The following ANGPT1 variants were observed in gnomAD, a reference collection of about 807,000 sequenced individuals.
ANGPT1 encodes angiopoietin 1, also known as angiopoietin-1.
In ANGPT1, 17 loss-of-function variants were observed where a neutral mutation model predicts 62.2. That is an observed-to-expected ratio of 0.27 (90% CI 0.19 to 0.41). The LOEUF (loss-of-function observed/expected upper bound fraction) is 0.41. Ranked by LOEUF, ANGPT1 falls within the 10% of genes least tolerant of loss-of-function variation. The pLI, the probability that ANGPT1 is intolerant of heterozygous loss-of-function variation, is 1.00. For synonymous variants in ANGPT1, 199 were observed against 198.9 expected, an observed-to-expected ratio of 1.00 and a Z score of 0.00; for missense variants, 478 against 594.9, an observed-to-expected ratio of 0.80 and a Z score of 2.04.
In ANGPT1 at chr8:107,276,118, G is replaced by C. The variant is rs78078025; in HGVS notation, c.1205+8564C>G. ...ACCCAGGAAGCCTTTTTTGTCTTCA[G>C]TATTTCATCTCAGTCAAGGGGATTA... On this transcript the variant is annotated intron_variant, in intron 7 of 8. Transcript: ENST00000517746. Among the ~76,000 whole-genome samples, 1,122 of 152,256 alleles carry C rather than the reference G, an allele frequency of 7.4e-3. 14 individuals carry two copies. Among genetic ancestry groups the C allele is most frequent in the African/African-American group, 0.025 (1,035 of 41,566 alleles).
intron 1 of ANGPT1, among the ~76,000 whole-genome samples, chr8:107,489,937 TAAA>T (rs201079189): frequency 5.0e-5 from 7 of 138,986 alleles, no homozygotes; most frequent in Middle Eastern, 7.4e-3. Context: ...CTTGCGGTAT[TAAA>T]AAAAAAAAAA....
At chr8:107,491,152 A>T (rs1034361031) in intron 1 of ANGPT1, among the ~76,000 whole-genome samples, 2 of 77,186 alleles carry the variant, frequency 2.6e-5, no homozygotes, top group Non-Finnish European at 3.7e-5. Context: ...AGAAATGATT[A>T]AAAAAAAAAG....
chr8:107,275,389 G>C (rs1258105989), intron 7 of ANGPT1, among the ~76,000 whole-genome samples: 1 of 152,050 alleles, frequency 6.6e-6, no homozygotes, highest in African/African-American at 2.4e-5. Context: ...TCACTTCTGA[G>C]CTAATCCCTC....
chr8:107,266,785 AT>A (rs1175331232), intron 7 of ANGPT1, among the ~76,000 whole-genome samples: 1 of 152,150 alleles, frequency 6.6e-6, no homozygotes, highest in African/African-American at 2.4e-5. Flanking sequence ...CAAATGTTTG[AT>A]TTTAAATAAG....
At chr8:107,440,059 A>C (rs1183218480) in intron 1 of ANGPT1, among the ~76,000 whole-genome samples, 1 of 152,124 alleles carries the variant, frequency 6.6e-6, no homozygotes, top group African/African-American at 2.4e-5. Context: ...CCATGTTTAG[A>C]TTTAGGTGAT....
intron 1 of ANGPT1, among the ~76,000 whole-genome samples, chr8:107,491,491 T>C (rs991396995): frequency 4.6e-5 from 7 of 152,104 alleles, no homozygotes; most frequent in African/African-American, 1.4e-4. Context: ...AGGTGGTAGG[T>C]AATGGTGCTC....
rs780289972 is a variant in ANGPT1, at chr8:107,354,916, C to CTTT, written c.298-7822_298-7820dup. Among the ~76,000 whole-genome samples, 478 of 135,902 alleles carry CTTT rather than the reference C, an allele frequency of 3.5e-3. 7 individuals carry two copies. Among genetic ancestry groups the CTTT allele is most frequent in the African/African-American group, 0.012 (458 of 36,716 alleles). 89.2% of individuals were successfully genotyped at this position (135,902 alleles called of 152,430 possible). A position where few individuals can be genotyped will look rare whatever the true frequency, so the allele number is the denominator to read the frequency against. On this transcript the variant is annotated intron_variant, in intron 1 of 8. Coordinates refer to ENST00000517746, the MANE Select transcript of ANGPT1 (RefSeq NM_001146.5). ...ATTAAATCCACACCAGATGGTGTTG[C>CTTT]TTTTTTTTTTTTTTTTGAGAGGGAG...
intron 7 of ANGPT1, 147 bp from the exon 8 acceptor site, chr8:107,264,498 C>G (rs746981842): frequency 1.1e-6 from 1 of 942,472 alleles, no homozygotes; most frequent in East Asian, 2.7e-5. Flanking sequence ...GAGACCCAAG[C>G]TATCTGAACC....
intron 4 of ANGPT1, among the ~76,000 whole-genome samples, chr8:107,318,096 T>A (rs1223485359): frequency 6.6e-6 from 1 of 152,200 alleles, no homozygotes; most frequent in Non-Finnish European, 1.5e-5. Flanking sequence ...GCTTTGACAT[T>A]GTGATAACAC....
rs1310306341 is a variant in ANGPT1 at position 107,449,958 on chromosome 8, A to G, written c.297+47304T>C. On this transcript the variant is annotated intron_variant, in intron 1 of 8. Transcript: ENST00000517746. ...GTATGTACTTACAAAGCTTAGAAGC[A>G]CCTAAATATCTGATGATAAAATTCT... Among the ~76,000 whole-genome samples, 4 of 152,218 alleles carry G rather than the reference A, an allele frequency of 2.6e-5. No homozygotes were observed. The East Asian group carries it at 7.7e-4, about 29-fold the overall frequency.
chr8:107,485,802 T>TAC (rs1199383634), intron 1 of ANGPT1, among the ~76,000 whole-genome samples: 1 of 152,228 alleles, frequency 6.6e-6, no homozygotes, highest in East Asian at 1.9e-4. Context: ...GGGAGGTCAT[T>TAC]ACATTGAATG....
At chr8:107,334,791 G>A (rs1815521605) in intron 3 of ANGPT1, among the ~76,000 whole-genome samples, 1 of 152,178 alleles carries the variant, frequency 6.6e-6, no homozygotes, top group Non-Finnish European at 1.5e-5. Flanking sequence ...TCTGGTTACT[G>A]TGAAATTGCA....
intron 3 of ANGPT1, among the ~76,000 whole-genome samples, chr8:107,331,424 C>A (rs1431756768): frequency 6.6e-6 from 1 of 151,968 alleles, no homozygotes; most frequent in Non-Finnish European, 1.5e-5. Flanking sequence ...ACTGGTCTAC[C>A]CCTTTCTTCA....
Position 107,251,000 on chromosome 8 carries a change from G to A in ANGPT1, c.*855C>T, listed in dbSNP as rs1035521169. ...ATGTATATTATTTTAAGAACTTGAT[G>A]ATATATTTTACATTCTTTTAACTTT... On this transcript the variant is annotated 3_prime_UTR_variant, in exon 9 of 9. Transcript: ENST00000517746. 2 of 151,986 alleles carry A rather than the reference G, an allele frequency of 1.3e-5. No individual in the cohort carries two copies. The highest frequency in any genetic ancestry group is 4.8e-5 in the African/African-American group (2 of 41,392). 9.4% of individuals were successfully genotyped at this position (151,986 alleles called of 1,614,324 possible).
At chr8:107,398,498 CTATTT>C (rs1418187680) in intron 1 of ANGPT1, among the ~76,000 whole-genome samples, 7 of 88,994 alleles carry the variant, frequency 7.9e-5, no homozygotes, top group African/African-American at 3.3e-4. Context: ...TTTTTCTTTT[CTATTT>C]TTTTTTTTTT....
chr8:107,406,739 T>C (rs758547183), intron 1 of ANGPT1, among the ~76,000 whole-genome samples: 21 of 152,114 alleles, frequency 1.4e-4, no homozygotes, highest in Non-Finnish European at 2.9e-4. Context: ...ATAATGATCA[T>C]AACTATCTTA....
At chr8:107,343,705 TGAAG>T (rs1376029676) in intron 2 of ANGPT1, among the ~76,000 whole-genome samples, 2 of 152,196 alleles carry the variant, frequency 1.3e-5, no homozygotes, top group African/African-American at 4.8e-5. Context: ...CTCAAACTCA[TGAAG>T]GTAAAGACTG....
intron 1 of ANGPT1, among the ~76,000 whole-genome samples, chr8:107,366,991 A>C (rs1294928628): frequency 2.0e-5 from 3 of 152,104 alleles, no homozygotes; most frequent in Non-Finnish European, 4.4e-5. Context: ...TTCCAACAAC[A>C]ACGGGGGAAT....
intron 1 of ANGPT1, among the ~76,000 whole-genome samples, chr8:107,433,158 A>T (rs563535468): frequency 6.6e-6 from 1 of 152,252 alleles, no homozygotes; most frequent in South Asian, 2.1e-4. Flanking sequence ...GTATAGGGGA[A>T]ATTGGGCTGG....
Sources: gnomAD v4.1 joint callset for allele counts (sites outside exome capture counted in the v4.1 genomes callset) on GRCh38, gnomAD v4.1.1 for gene constraint, MANE v1.5 for transcripts, NCBI Gene and HGNC (gene_info 2026-07-23, HGNC 2026-07-21) for gene names.